The following DGLUCY variants were observed in gnomAD, a reference collection of about 807,000 sequenced individuals.
The protein encoded by DGLUCY is D-glutamate cyclase, mitochondrial.
In DGLUCY, 58 loss-of-function variants were observed where a neutral mutation model predicts 58.5. The ratio of observed to expected loss-of-function variants is 0.99; its 90% CI spans 0.80 to 1.23. DGLUCY has a LOEUF of 1.23. Among genes scored for constraint, DGLUCY ranks in the 50% most tolerant of loss-of-function variants. The pLI, the probability that DGLUCY is intolerant of heterozygous loss-of-function variation, is 0.00. For synonymous variants in DGLUCY, 325 were observed against 314.1 expected (o/e 1.03, Z -0.37); for missense variants, 779 against 784.7 (o/e 0.99, Z 0.09).
At chr14:91,160,714 GC>G (rs2140347308) in intron 3 of DGLUCY, among the ~76,000 whole-genome samples, 1 of 152,160 alleles carries the variant, frequency 6.6e-6, no homozygotes, top group African/African-American at 2.4e-5. Flanking sequence ...TGGGAAAAGT[GC>G]CCCCAGGTTA....
At chr14:91,093,747 G>A (rs1261991291) in intron 1 of DGLUCY, among the ~76,000 whole-genome samples, 1 of 152,058 alleles carries the variant, frequency 6.6e-6, no homozygotes, top group Non-Finnish European at 1.5e-5. Context: ...GGAGGTCACG[G>A]TGAACTGAGA....
chr14:91,152,766 C>T (rs1050598973), intron 1 of DGLUCY, among the ~76,000 whole-genome samples: 2 of 152,288 alleles, frequency 1.3e-5, no homozygotes, highest in Middle Eastern at 3.4e-3. Flanking sequence ...ATCCAGGGGA[C>T]ATCTACAGAA....
At chr14:91,181,738 CT>C (rs991010079) in intron 8 of DGLUCY, among the ~76,000 whole-genome samples, 3 of 147,650 alleles carry the variant, frequency 2.0e-5, no homozygotes, top group African/African-American at 7.5e-5. Context: ...ATGGCGTGAT[CT>C]TGGCTCAAGT....
chr14:91,128,060 A>G (rs1362588882), intron 1 of DGLUCY, among the ~76,000 whole-genome samples: 1 of 151,458 alleles, frequency 6.6e-6, no homozygotes, highest in Admixed American at 6.6e-5. Flanking sequence ...AGGAAGGGAG[A>G]CCCCACCTTA....
In DGLUCY at chr14:91,225,203, T is replaced by G; in HGVS notation, c.*370T>G. On this transcript the variant is annotated 3_prime_UTR_variant, in exon 14 of 14. Transcript: ENST00000256324. The stretch of plus-strand genomic sequence containing the variant: ...GCCAGGCAGAGCATGAGAACAAACA[T>G]TCCCAGGCCATGTAGGATAGGATAC... 6.2e-6 allele frequency: 1 copy of G among 162,100 alleles called. No homozygotes were observed. The highest frequency in any genetic ancestry group is 1.8e-4 in the East Asian group (1 of 5,600). 10.0% of individuals were successfully genotyped at this position (162,100 alleles called of 1,614,324 possible). A position where few individuals can be genotyped will look rare whatever the true frequency, so the allele number is the denominator to read the frequency against.
upstream of DGLUCY, among the ~76,000 whole-genome samples, chr14:91,106,416 A>G (rs999900607): frequency 3.9e-5 from 6 of 151,940 alleles, no homozygotes; most frequent in African/African-American, 1.5e-4. Context: ...AGTTTAAAAA[A>G]CTAAGTTTGG....
chr14:91,173,538 C>G, intron 6 of DGLUCY, 99 bp downstream of exon 6: 1 of 1,410,170 alleles, frequency 7.1e-7, no homozygotes, highest in Non-Finnish European at 9.3e-7. Flanking sequence ...TTCACATCGG[C>G]GACCCAGGTC....
chr14:91,103,986 A>C (rs1595647784), upstream of DGLUCY, among the ~76,000 whole-genome samples: 4 of 140,368 alleles, frequency 2.8e-5, no homozygotes, highest in Admixed American at 7.2e-5. Flanking sequence ...TCCGCCCACC[A>C]CTCTGCAGAG....
At chr14:91,215,787 A>T in intron 13 of DGLUCY, 1 of 1,364,556 alleles carries the variant, frequency 7.3e-7, no homozygotes, top group Non-Finnish European at 9.5e-7. Flanking sequence ...TTCTAGTTTG[A>T]CTTTGGGTGA....
chr14:91,182,072 C>T (rs2049213763), intron 8 of DGLUCY, among the ~76,000 whole-genome samples: 1 of 151,854 alleles, frequency 6.6e-6, no homozygotes, highest in African/African-American at 2.4e-5. Flanking sequence ...CCTCCATCTC[C>T]CGGGTTCAAG....
At chr14:91,074,112 TATATATACACACACACAC>T (rs1410030874) in intron 1 of DGLUCY, among the ~76,000 whole-genome samples, 5 of 60,644 alleles carry the variant, frequency 8.2e-5, no homozygotes, top group African/African-American at 2.8e-4. Context: ...AAAATATATA[TATATATACACACACACAC>T]ACACACACAC....
At chr14:91,102,488 C>T (rs1208339865) in intron 1 of DGLUCY, among the ~76,000 whole-genome samples, 3 of 152,048 alleles carry the variant, frequency 2.0e-5, no homozygotes, top group Non-Finnish European at 2.9e-5. Context: ...CCTCCTCCTC[C>T]GGCCCCGGGA....
intron 1 of DGLUCY, among the ~76,000 whole-genome samples, chr14:91,101,634 T>G (rs2140083726): frequency 6.6e-6 from 1 of 152,366 alleles, no homozygotes; most frequent in Non-Finnish European, 1.5e-5. Flanking sequence ...TATGGACGCA[T>G]TCTTGAGTTG....
chr14:91,185,220 C>T (rs1399101392), intron 8 of DGLUCY, among the ~76,000 whole-genome samples: 4 of 150,136 alleles, frequency 2.7e-5, no homozygotes, highest in Admixed American at 6.6e-5. Context: ...CTGCCCACCT[C>T]GGCCTCCCAA....
intron 1 of DGLUCY, chr14:91,115,184 T>C (rs1011843484): frequency 6.6e-6 from 1 of 152,526 alleles, no homozygotes; most frequent in Non-Finnish European, 1.5e-5. Context: ...TGGCATTGAT[T>C]GGCACGCAGG....
intron 1 of DGLUCY, among the ~76,000 whole-genome samples, chr14:91,115,380 A>G (rs947184314): frequency 3.9e-5 from 6 of 152,022 alleles, no homozygotes; most frequent in Non-Finnish European, 8.8e-5. Context: ...TAACTGAAAG[A>G]AGGCTAAACT....
intron 1 of DGLUCY, among the ~76,000 whole-genome samples, chr14:91,077,823 AAGAG>A (rs2044053553): frequency 6.6e-6 from 1 of 151,024 alleles, no homozygotes; most frequent in South Asian, 2.1e-4. Context: ...GAGAGAAAGA[AAGAG>A]AAAGAGGAAA....
At chr14:91,158,953 C>T in intron 2 of DGLUCY, 1 of 151,106 alleles carries the variant, frequency 6.6e-6, no homozygotes, top group Admixed American at 6.6e-5. Flanking sequence ...CCTCAACCTC[C>T]CAAGTAGCTA....
At chr14:91,220,806 G>T (rs890568683) in intron 13 of DGLUCY, 6 of 405,712 alleles carry the variant, frequency 1.5e-5, no homozygotes, top group Non-Finnish European at 2.5e-5. Flanking sequence ...GGCCAAGGGA[G>T]TGCCTTGTCT....
Sources: allele counts gnomAD v4.1 joint callset (sites outside exome capture counted in the v4.1 genomes callset), GRCh38; gene constraint gnomAD v4.1.1; transcripts MANE v1.5; gene names NCBI Gene and HGNC (gene_info 2026-07-23, HGNC 2026-07-21).